Variants in MIDEAS observed in about 807,000 individuals in gnomAD.
MIDEAS encodes the protein mitotic deacetylase-associated SANT domain protein.
In MIDEAS, 26 loss-of-function variants were observed where a neutral mutation model predicts 102.7. That is an observed-to-expected ratio of 0.25 (90% CI 0.19 to 0.35). The LOEUF (loss-of-function observed/expected upper bound fraction) is 0.35, where lower values mean the gene tolerates loss of function less well. Among genes scored for constraint, MIDEAS ranks in the 10% least tolerant of loss-of-function variants. The pLI is 1.00. For missense variants in MIDEAS, 1,231 were observed against 1,435.6 expected (o/e 0.86, Z 2.30); for synonymous variants, 585 against 591.0 (o/e 0.99, Z 0.15).
intron 4 of MIDEAS, chr14:73,728,973 A>C (rs1048247560): frequency 6.6e-6 from 1 of 152,326 alleles, no homozygotes; most frequent in African/African-American, 2.4e-5. Flanking sequence ...AATTGGCCAA[A>C]GGCATCTATA....
Position 73,739,321 on chromosome 14 carries a change from A to G in MIDEAS, c.688T>C (p.Phe230Leu). The change falls in exon 2 of 13, where the codon TTC (phenylalanine) becomes CTC (leucine). Residue 230 changes from phenylalanine to leucine, a missense_variant. Coordinates refer to ENST00000423556, the MANE Select transcript of MIDEAS (RefSeq NM_001367710.1). Reference protein sequence around the residue: ...AFGHQVNRQVFRQGPPPPNPV... With the variant: ...AFGHQVNRQVLRQGPPPPNPV... The stretch of plus-strand genomic sequence containing the variant: ...TTTGGGGGCGGTGGGCCCTGCCGGA[A>G]GACCTGCCGGTTCACCTGGTGGCCG... 6.2e-7 allele frequency: 1 copy of G among 1,609,490 alleles called. No homozygotes were observed.
upstream of MIDEAS, among the ~76,000 whole-genome samples, chr14:73,788,467 G>A (rs2053839295): frequency 6.6e-6 from 1 of 152,124 alleles, no homozygotes; most frequent in Non-Finnish European, 1.5e-5. Flanking sequence ...TGATCCCCAG[G>A]TCTGTGTTAA....
rs796430625 is a variant in MIDEAS, at chr14:73,781,674, T to C, written c.-248+5428A>G. On this transcript the variant is annotated intron_variant, in intron 1 of 11. Coordinates refer to the MIDEAS transcript ENST00000394071. ...ACTTGAACCCGGCAGGCAGAGATTATGGTGAGCCAAGATCGTGCCATTGCA... is the reference window on the plus strand; with the variant it reads ...ACTTGAACCCGGCAGGCAGAGATTACGGTGAGCCAAGATCGTGCCATTGCA... Among the ~76,000 whole-genome samples the C allele has an allele frequency of 3.7e-5, 5 of 136,930 alleles. No individual in the cohort carries two copies. In the South Asian group the frequency reaches 8.8e-4, roughly 24 times the overall value. The allele number at this position is 136,930 out of a possible 152,430, so 89.8% of individuals were successfully genotyped here.
In MIDEAS at chr14:73,739,904, GGGGGGCTGCAGGGGA is replaced by G. The variant is rs1383685602; in HGVS notation, c.90_104del (p.Pro31_Pro35del). 5 of 1,553,876 alleles carry G rather than the reference GGGGGGCTGCAGGGGA, an allele frequency of 3.2e-6. No individual in the cohort carries two copies. The highest frequency in any genetic ancestry group is 2.3e-5 in the East Asian group (1 of 44,228). ...CCTCCTTCACTCTGATGGACTGCTG[GGGGGGCTGCAGGGGA>G]GGGGGCTGCTCCTTGGGAGCTGGTT... is the stretch of plus-strand genomic sequence containing the variant. On this transcript the variant is annotated inframe_deletion, in exon 2 of 13. Transcript: ENST00000423556.
chr14:73,755,483 G>A (rs752904060), intron 1 of MIDEAS, among the ~76,000 whole-genome samples: 6 of 152,208 alleles, frequency 3.9e-5, no homozygotes, highest in South Asian at 2.1e-4. Context: ...AACCTCCTGC[G>A]AGGTCACACT....
chr14:73,769,309 G>T (rs78503978), intron 1 of MIDEAS, among the ~76,000 whole-genome samples: 1 of 152,346 alleles, frequency 6.6e-6, no homozygotes, highest in Admixed American at 6.5e-5. Flanking sequence ...GGAGATAAAT[G>T]AGGCGGGAGG....
intron 3 of MIDEAS, 117 bp downstream of exon 3, chr14:73,736,881 T>G: frequency 9.4e-7 from 1 of 1,059,068 alleles, no homozygotes; most frequent in Non-Finnish European, 1.4e-6. Context: ...ATAAAAATAG[T>G]ATCTCCACAG....
At chr14:73,783,834 T>C (rs1336460921) in intron 1 of MIDEAS, among the ~76,000 whole-genome samples, 3 of 152,320 alleles carry the variant, frequency 2.0e-5, no homozygotes, top group African/African-American at 2.4e-5. Flanking sequence ...TGGAAAACTG[T>C]AGCGTGTTCT....
upstream of MIDEAS, among the ~76,000 whole-genome samples, chr14:73,788,204 C>T (rs1212978758): frequency 2.0e-5 from 3 of 150,434 alleles, no homozygotes; most frequent in Non-Finnish European, 1.5e-5. Context: ...GCTTTCATAA[C>T]AGAAACATTA....
chr14:73,756,148 G>A (rs184828330), intron 1 of MIDEAS, among the ~76,000 whole-genome samples: 4 of 152,168 alleles, frequency 2.6e-5, no homozygotes, highest in Admixed American at 2.0e-4. Flanking sequence ...ATCCAGGAAC[G>A]GCGTTCTGAG....
At chr14:73,754,511 G>A (rs1307024768) in intron 1 of MIDEAS, among the ~76,000 whole-genome samples, 4 of 152,342 alleles carry the variant, frequency 2.6e-5, no homozygotes, top group East Asian at 1.9e-4. Context: ...GCCACCAGGC[G>A]CAGGACACAG....
rs1311849145 is a variant in MIDEAS at position 73,742,411 on chromosome 14, C to T, written c.-247-2156G>A. 6.6e-6 allele frequency among the ~76,000 whole-genome samples: 1 copy of T among 152,236 alleles called. No individual in the cohort carries two copies. The highest frequency in any genetic ancestry group is 1.5e-5 in the Non-Finnish European group (1 of 68,030). On this transcript the variant is annotated intron_variant, in intron 1 of 12. Transcript: ENST00000423556. The surrounding 1 kb of genome is among the most constrained non-coding windows in gnomAD (Gnocchi z 4.4). ...GGGTGCGCCCCCTCCATGGGGATGG[C>T]TGCTCAGAAGGAGATGAGGCGGGGC...
chr14:73,786,535 T>C (rs958285758), intron 1 of MIDEAS, among the ~76,000 whole-genome samples: 1 of 152,194 alleles, frequency 6.6e-6, no homozygotes, highest in Non-Finnish European at 1.5e-5. Flanking sequence ...TCAGGAGCGA[T>C]TCATTTCAAG....
intron 1 of MIDEAS, among the ~76,000 whole-genome samples, chr14:73,748,970 A>G (rs1269728230): frequency 6.6e-6 from 1 of 152,226 alleles, no homozygotes; most frequent in Non-Finnish European, 1.5e-5. Flanking sequence ...AACAACTCAA[A>G]TAACAGTAGG....
intron 1 of MIDEAS, among the ~76,000 whole-genome samples, chr14:73,750,036 C>T (rs1295039298): frequency 6.6e-6 from 1 of 152,198 alleles, no homozygotes; most frequent in Admixed American, 6.5e-5. Flanking sequence ...AAAATGGCCA[C>T]AGGCAAATAT....
intron 1 of MIDEAS, among the ~76,000 whole-genome samples, chr14:73,741,329 G>C (rs1226507960): frequency 2.0e-5 from 3 of 152,076 alleles, no homozygotes; most frequent in African/African-American, 7.2e-5. Context: ...TATTTTTCAA[G>C]ACTTTTCTTT....
intron 1 of MIDEAS, chr14:73,758,770 C>G (rs2053517748): frequency 6.5e-6 from 1 of 154,648 alleles, no homozygotes; most frequent in Middle Eastern, 5.2e-4. Flanking sequence ...GGACGGACAC[C>G]CGGCCTCCAC....
intron 1 of MIDEAS, among the ~76,000 whole-genome samples, chr14:73,781,988 C>CG (rs2053762118): frequency 6.6e-6 from 1 of 152,000 alleles, no homozygotes; most frequent in Non-Finnish European, 1.5e-5. Flanking sequence ...ACCTGGGGTG[C>CG]GGAGGTTGCA....
chr14:73,769,018 C>G (rs966729462), intron 1 of MIDEAS, among the ~76,000 whole-genome samples: 2 of 152,222 alleles, frequency 1.3e-5, no homozygotes, highest in Non-Finnish European at 2.9e-5. Flanking sequence ...TTCATCCCTT[C>G]TGTTCTCTGC....
Sources: allele counts gnomAD v4.1 joint callset (sites outside exome capture counted in the v4.1 genomes callset), GRCh38; gene constraint gnomAD v4.1.1; non-coding constraint Gnocchi (gnomAD v3.1); transcripts MANE v1.5; gene names NCBI Gene and HGNC (gene_info 2026-07-23, HGNC 2026-07-21).